The following DGKI variants were observed in gnomAD, a reference collection of about 807,000 sequenced individuals.
The protein encoded by DGKI is DAG kinase iota.
DGKI carries 55 observed loss-of-function variants against 147.5 expected under a neutral mutation model. The observed-to-expected ratio is 0.37, with a 90% CI of 0.30 to 0.47. The LOEUF (loss-of-function observed/expected upper bound fraction) is 0.47, where lower values mean the gene tolerates loss of function less well. Among genes scored for constraint, DGKI ranks in the 20% least tolerant of loss-of-function variants. The pLI, the probability that DGKI is intolerant of heterozygous loss-of-function variation, is 1.00. For missense variants in DGKI, 1,007 were observed against 1,323.8 expected (o/e 0.76, Z 3.71); for synonymous variants, 469 against 477.1 (o/e 0.98, Z 0.22).
chr7:137,734,653 T>C (rs150125594), intron 1 of DGKI, among the ~76,000 whole-genome samples: 13 of 152,008 alleles, frequency 8.6e-5, no homozygotes, highest in Admixed American at 3.9e-4. Context: ...AATTGACTGC[T>C]ACCTCAAGAG....
intron 27 of DGKI, among the ~76,000 whole-genome samples, chr7:137,461,711 T>G (rs181295550): frequency 6.6e-6 from 1 of 152,158 alleles, no homozygotes; most frequent in Non-Finnish European, 1.5e-5. Context: ...TGGGGATGAA[T>G]GTTTGAATGC....
chr7:137,732,952 A>G (rs1168470692), intron 1 of DGKI, among the ~76,000 whole-genome samples: 1 of 151,880 alleles, frequency 6.6e-6, no homozygotes, highest in Non-Finnish European at 1.5e-5. Flanking sequence ...CATCAGTATC[A>G]TCTCAGCTCC....
In DGKI at chr7:137,581,935, T is replaced by C; in HGVS notation, c.1564-7A>G. ...TGAAAACATTCAGAGGGAGCTGCAA[T>C]GATAAACAAAGACAGAGGCAAAATT... On this transcript the variant is annotated splice_polypyrimidine_tract_variant and splice_region_variant and intron_variant, in intron 14 of 32. Transcript: ENST00000614521. The C allele has an allele frequency of 6.2e-7, 1 of 1,612,202 alleles. No homozygotes were observed.
chr7:137,776,609 AGGT>A (rs1355429826), intron 1 of DGKI, among the ~76,000 whole-genome samples: 1 of 152,200 alleles, frequency 6.6e-6, no homozygotes, highest in East Asian at 1.9e-4. Context: ...TATCTGAGGA[AGGT>A]GTACTTAAAG....
intron 6 of DGKI, among the ~76,000 whole-genome samples, chr7:137,625,723 C>A (rs1820912777): frequency 6.8e-6 from 1 of 146,992 alleles, no homozygotes; most frequent in East Asian, 2.0e-4. Flanking sequence ...CACAGTAAGA[C>A]CTTATCTCTA....
chr7:137,698,167 C>CAGAT (rs774221379), intron 1 of DGKI, among the ~76,000 whole-genome samples: 5 of 149,956 alleles, frequency 3.3e-5, no homozygotes, highest in African/African-American at 1.2e-4. Context: ...TATATATCTC[C>CAGAT]AGATAGATAG....
Position 137,571,180 on chromosome 7 carries a change from A to T in DGKI, c.1942T>A (p.Ser648Thr). 6.2e-7 allele frequency: 1 copy of T among 1,600,050 alleles called. No individual in the cohort carries two copies. ...YIEVIGFTMASLAALQVGGHG... is the reference protein window; with the variant it reads ...YIEVIGFTMATLAALQVGGHG... ...AAAACAGTTATATTGCTCACCAAAG[A>T]GGCCATGGTAAATCCAATGACTTCA... Residue 648 changes from serine to threonine, a missense_variant, in exon 19 of 33, where the codon TCT becomes ACT. By Grantham distance (58) the Ser-to-Thr change is moderately conservative (BLOSUM62 1). Transcript: ENST00000614521.
chr7:137,735,930 C>A (rs1795008477), intron 1 of DGKI, among the ~76,000 whole-genome samples: 1 of 152,050 alleles, frequency 6.6e-6, no homozygotes, highest in Non-Finnish European at 1.5e-5. Context: ...ACATTGCATG[C>A]TTTTGTGGAC....
At chr7:137,551,169 AGAAG>A (rs1818032803) in intron 20 of DGKI, among the ~76,000 whole-genome samples, 1 of 152,150 alleles carries the variant, frequency 6.6e-6, no homozygotes, top group African/African-American at 2.4e-5. Flanking sequence ...ATTCTGGGAG[AGAAG>A]GAAGGAGAGG....
chr7:137,604,796 C>A (rs1433031652), intron 10 of DGKI, among the ~76,000 whole-genome samples: 1 of 152,102 alleles, frequency 6.6e-6, no homozygotes, highest in Non-Finnish European at 1.5e-5. Flanking sequence ...AGTGTGAAAG[C>A]AGGAAACACT....
In DGKI at chr7:137,434,814, AG is replaced by A. The variant is rs1201408606; in HGVS notation, c.2761+9262del. Among the ~76,000 whole-genome samples the A allele has an allele frequency of 2.6e-5, 4 of 152,298 alleles. No individual in the cohort carries two copies. In the South Asian group the frequency reaches 6.2e-4, roughly 24 times the overall value. On this transcript the variant is annotated intron_variant, in intron 28 of 32. Coordinates refer to ENST00000614521, the MANE Select transcript of DGKI (RefSeq NM_001321708.2). ...AATATAACCAGATTTTGGAAAGCCC[AG>A]GGGGGTTTGTTTTGTTTTGTTTTGT...
At chr7:137,557,946 A>G (rs900899513) in intron 19 of DGKI, among the ~76,000 whole-genome samples, 8 of 152,198 alleles carry the variant, frequency 5.3e-5, no homozygotes, top group Non-Finnish European at 8.8e-5. Context: ...CCTAGAGGTG[A>G]CAGAGACTTC....
chr7:137,508,465 A>T lies in DGKI; in HGVS notation c.2248+13401T>A, dbSNP rs186501205. ...ATGGTCTTGATCTCCTGACCTCGTG[A>T]TCTGTCCACCTCGGCCTCCCAAAGT... On this transcript the variant is annotated intron_variant, in intron 21 of 32. Transcript: ENST00000614521. Among the ~76,000 whole-genome samples, 830 of 152,046 alleles carry T rather than the reference A, an allele frequency of 5.5e-3. 7 individuals carry two copies. The highest frequency in any genetic ancestry group is 0.019 in the African/African-American group (783 of 41,460).
At chr7:137,503,908 T>C (rs1816274731) in intron 21 of DGKI, among the ~76,000 whole-genome samples, 1 of 152,206 alleles carries the variant, frequency 6.6e-6, no homozygotes, top group Non-Finnish European at 1.5e-5. Context: ...CTTTCATAAA[T>C]TCCCAAACCA....
intron 19 of DGKI, among the ~76,000 whole-genome samples, chr7:137,554,921 T>C (rs912155763): frequency 3.5e-5 from 5 of 142,874 alleles, no homozygotes; most frequent in Admixed American, 1.4e-4. Context: ...TTTCTTTTTT[T>C]TTTTTTTTTT....
chr7:137,699,202 C>G (rs1823894082), intron 1 of DGKI, among the ~76,000 whole-genome samples: 1 of 152,160 alleles, frequency 6.6e-6, no homozygotes, highest in African/African-American at 2.4e-5. Flanking sequence ...TAAAGGGACA[C>G]TAATCCCACT....
intron 7 of DGKI, 141 bp from the exon 8 acceptor site, chr7:137,620,081 C>G (rs1268965344): frequency 1.6e-6 from 1 of 615,336 alleles, no homozygotes; most frequent in Non-Finnish European, 2.9e-6. Context: ...AATACATATG[C>G]ATGCACACAT....
At chr7:137,700,772 G>T (rs1328296969) in intron 1 of DGKI, among the ~76,000 whole-genome samples, 1 of 152,124 alleles carries the variant, frequency 6.6e-6, no homozygotes, top group Non-Finnish European at 1.5e-5. Flanking sequence ...CAGCTACTTG[G>T]GAGGCTGAGG....
intron 2 of DGKI, among the ~76,000 whole-genome samples, chr7:137,678,933 A>G (rs2116395002): frequency 6.6e-6 from 1 of 152,338 alleles, no homozygotes; most frequent in East Asian, 1.9e-4. Flanking sequence ...ACAAATGAGG[A>G]AAAAACACCT....
Sources: gnomAD v4.1 joint callset for allele counts (sites outside exome capture counted in the v4.1 genomes callset) on GRCh38, gnomAD v4.1.1 for gene constraint, MANE v1.5 for transcripts, NCBI Gene and HGNC (gene_info 2026-07-23, HGNC 2026-07-21) for gene names.